ATP8B4: variants seen among roughly 807,000 people sequenced by gnomAD.
ATP8B4 encodes ATPase phospholipid transporting 8B4 (putative).
In ATP8B4, 133 loss-of-function variants were observed where a neutral mutation model predicts 145.6. That is an observed-to-expected ratio of 0.91 (90% CI 0.79 to 1.05). The LOEUF (loss-of-function observed/expected upper bound fraction) is 1.05. ATP8B4 is among the 50% of genes least tolerant of loss of function. The probability of loss-of-function intolerance (pLI) is 0.00; values close to 1 mark genes in which losing one functional copy is unlikely to be tolerated. For missense variants in ATP8B4, 1,458 were observed against 1,425.2 expected, an observed-to-expected ratio of 1.02 and a Z score of -0.37; for synonymous variants, 507 against 492.9, an observed-to-expected ratio of 1.03 and a Z score of -0.38.
At chr15:49,971,815 T>A (rs1284439994) in intron 13 of ATP8B4, among the ~76,000 whole-genome samples, 1 of 152,188 alleles carries the variant, frequency 6.6e-6, no homozygotes, top group Admixed American at 6.5e-5. Flanking sequence ...TAAAGACACA[T>A]GCACACATAT....
At chr15:50,032,606 G>T (rs970120542) in intron 6 of ATP8B4, among the ~76,000 whole-genome samples, 2 of 152,096 alleles carry the variant, frequency 1.3e-5, no homozygotes, top group East Asian at 3.9e-4. Context: ...GAAAGATCAA[G>T]AAATTATATT....
At chr15:50,013,142 G>T (rs368741106) in intron 6 of ATP8B4, among the ~76,000 whole-genome samples, 2 of 152,116 alleles carry the variant, frequency 1.3e-5, no homozygotes, top group African/African-American at 2.4e-5. Context: ...AAAATGATTT[G>T]CTTTAAAACT....
chr15:49,879,641 C>A, intron 23 of ATP8B4, 182 bp from the exon 24 acceptor site: 1 of 566,088 alleles, frequency 1.8e-6, no homozygotes, highest in South Asian at 2.4e-5. Context: ...GATACTAGAT[C>A]TCTCTAAACG....
At chr15:49,886,039 T>C (rs574857995) in intron 23 of ATP8B4, 12 of 152,310 alleles carry the variant, frequency 7.9e-5, no homozygotes, top group Non-Finnish European at 1.5e-5. Flanking sequence ...GGTAGTTCCA[T>C]GATGCCCCTA....
At chr15:50,100,451 G>T (rs115190654) in intron 2 of ATP8B4, among the ~76,000 whole-genome samples, 156 of 152,254 alleles carry the variant, frequency 1.0e-3, no homozygotes, top group African/African-American at 3.7e-3. Flanking sequence ...AATTGTATTA[G>T]AATACATATA....
chr15:50,047,920 C>T (rs549684172), intron 3 of ATP8B4, among the ~76,000 whole-genome samples: 1 of 152,230 alleles, frequency 6.6e-6, no homozygotes, highest in African/African-American at 2.4e-5. Context: ...GGGAAACTGA[C>T]TGCCTCGCAA....
intron 8 of ATP8B4, among the ~76,000 whole-genome samples, chr15:50,001,144 T>C (rs555207692): frequency 2.0e-5 from 3 of 152,164 alleles, no homozygotes; most frequent in African/African-American, 7.2e-5. Context: ...TGATTTTCTT[T>C]ATTTTTTTTG....
At chr15:49,901,776 A>G (rs1427929589) in intron 20 of ATP8B4, 6 of 409,786 alleles carry the variant, frequency 1.5e-5, no homozygotes, top group African/African-American at 8.5e-5. Context: ...AAGAAAAATG[A>G]TGGTACTTAC....
At chr15:50,125,643 C>CT (rs758195557) in intron 1 of ATP8B4, among the ~76,000 whole-genome samples, 17 of 152,156 alleles carry the variant, frequency 1.1e-4, no homozygotes, top group Non-Finnish European at 1.6e-4. Flanking sequence ...AGACAGGAGT[C>CT]TAAGATTTCA....
intron 6 of ATP8B4, among the ~76,000 whole-genome samples, chr15:50,011,318 A>T (rs533112524): frequency 9.2e-5 from 14 of 152,338 alleles, no homozygotes; most frequent in African/African-American, 2.6e-4. Context: ...CAAAAAAGCA[A>T]AGGAGACAGT....
chr15:50,003,662 C>T (rs779322234), intron 7 of ATP8B4, among the ~76,000 whole-genome samples: 4 of 152,122 alleles, frequency 2.6e-5, no homozygotes, highest in Admixed American at 2.6e-4. Context: ...GTCTATGGGC[C>T]TGCACCTCTC....
chr15:50,015,220 A>G (rs2048999588), intron 6 of ATP8B4, among the ~76,000 whole-genome samples: 1 of 152,262 alleles, frequency 6.6e-6, no homozygotes, highest in Non-Finnish European at 1.5e-5. Context: ...ATACACAAGA[A>G]ACTACTGTGG....
intron 22 of ATP8B4, 30 bp downstream of exon 22, chr15:49,898,038 G>A (rs769552729): frequency 3.1e-6 from 5 of 1,611,334 alleles, no homozygotes. Context: ...CATGTATGCA[G>A]CATACCCCAT....
intron 14 of ATP8B4, among the ~76,000 whole-genome samples, chr15:49,935,602 A>G (rs1358645561): frequency 6.6e-6 from 1 of 152,068 alleles, no homozygotes. Context: ...TAGTAAAGCA[A>G]GAGACTCTTC....
rs549446242 is a variant in ATP8B4 at position 49,911,233 on chromosome 15, A to C, written c.2141+5701T>G. ...TAAAAATGTGATCCAGATGGCCTGG[A>C]TCTGGATCTATAAAAATGTGATCTA... On this transcript the variant is annotated intron_variant, in intron 20 of 27. Coordinates refer to ENST00000284509, the MANE Select transcript of ATP8B4 (RefSeq NM_024837.4). Among the ~76,000 whole-genome samples the C allele has an allele frequency of 3.9e-5, 6 of 152,166 alleles. No homozygotes were observed. The South Asian group carries it at 1.2e-3, about 32-fold the overall frequency.
intron 14 of ATP8B4, among the ~76,000 whole-genome samples, chr15:49,937,787 T>C (rs1314778483): frequency 6.6e-6 from 1 of 152,230 alleles, no homozygotes; most frequent in Non-Finnish European, 1.5e-5. Context: ...AATTTCAGGA[T>C]ATATCAGCCA....
At chr15:49,979,956 A>G (rs1429775653) in intron 11 of ATP8B4, 143 bp from the exon 12 acceptor site, 1 of 534,346 alleles carries the variant, frequency 1.9e-6, no homozygotes, top group East Asian at 2.9e-5. Context: ...AATCATATGA[A>G]TTACGTCAGG....
At chr15:50,130,668 C>G (rs2057339768) in intron 1 of ATP8B4, among the ~76,000 whole-genome samples, 2 of 151,822 alleles carry the variant, frequency 1.3e-5, no homozygotes, top group African/African-American at 4.8e-5. Context: ...CCCAGCTACT[C>G]AGGAGGCTGA....
intron 21 of ATP8B4, among the ~76,000 whole-genome samples, chr15:49,899,563 A>C (rs1240522990): frequency 6.6e-6 from 1 of 152,122 alleles, no homozygotes; most frequent in Non-Finnish European, 1.5e-5. Context: ...GTGAGTTGGC[A>C]TTTTCAAATA....
Sources: allele counts gnomAD v4.1 joint callset (sites outside exome capture counted in the v4.1 genomes callset), GRCh38; gene constraint gnomAD v4.1.1; transcripts MANE v1.5; gene names NCBI Gene and HGNC (gene_info 2026-07-23, HGNC 2026-07-21).